The following COBL variants were observed in gnomAD, a reference collection of about 807,000 sequenced individuals.
The protein encoded by COBL is cordon-bleu WH2 repeat protein.
Under a neutral mutation model 98.8 loss-of-function variants are expected in COBL, and 51 were observed. The observed-to-expected ratio is 0.52, with a 90% CI of 0.41 to 0.65. The LOEUF is 0.65. Ranked by LOEUF, COBL falls within the 30% of genes least tolerant of loss-of-function variation. COBL has a pLI of 0.00. For missense variants in COBL, 1,617 were observed against 1,617.5 expected, an observed-to-expected ratio of 1.00 and a Z score of 0.01; for synonymous variants, 634 against 651.7, an observed-to-expected ratio of 0.97 and a Z score of 0.41.
chr7:51,125,953 TTAAG>T (rs1562941178), intron 6 of COBL, among the ~76,000 whole-genome samples: 1 of 152,200 alleles, frequency 6.6e-6, no homozygotes, highest in Non-Finnish European at 1.5e-5. Flanking sequence ...TCTATATCGT[TTAAG>T]TAAGGGATGG....
intron 7 of COBL, among the ~76,000 whole-genome samples, chr7:51,062,833 G>A (rs1420693843): frequency 6.6e-6 from 1 of 152,198 alleles, no homozygotes; most frequent in Non-Finnish European, 1.5e-5. Context: ...CGGCTCAGCT[G>A]TCCTGGAAGA....
intron 2 of COBL, among the ~76,000 whole-genome samples, chr7:51,205,286 A>C (rs536751083): frequency 8.9e-4 from 135 of 152,366 alleles, no homozygotes; most frequent in Non-Finnish European, 1.6e-3. Context: ...TATAGTGTAC[A>C]AAACAGCATG....
chr7:51,312,735 A>G, intron 1 of COBL, among the ~76,000 whole-genome samples: 1 of 152,192 alleles, frequency 6.6e-6, no homozygotes, highest in Non-Finnish European at 1.5e-5. Flanking sequence ...GGTTCCACTC[A>G]ATAATAATCC....
intron 5 of COBL, among the ~76,000 whole-genome samples, chr7:51,151,420 G>A (rs543968586): frequency 1.1e-4 from 17 of 152,306 alleles, no homozygotes; most frequent in African/African-American, 4.1e-4. Context: ...CCCACTGGAA[G>A]AAATCTGCCC....
intron 6 of COBL, among the ~76,000 whole-genome samples, chr7:51,108,876 ATCATGGAGCCG>A (rs1796559556): frequency 1.3e-5 from 2 of 151,104 alleles, no homozygotes; most frequent in African/African-American, 4.9e-5. Context: ...TACTTCTCCC[ATCATGGAGCCG>A]TCACACAAAG....
At chr7:51,208,895 AG>A (rs1554430449) in intron 2 of COBL, among the ~76,000 whole-genome samples, 3 of 151,950 alleles carry the variant, frequency 2.0e-5, no homozygotes, top group Non-Finnish European at 4.4e-5. Context: ...TCAAGTACCC[AG>A]GGACACAAAC....
chr7:51,029,733 T>A (rs2128873328), intron 9 of COBL, 142 bp from the exon 10 acceptor site: 1 of 683,234 alleles, frequency 1.5e-6, no homozygotes, highest in Admixed American at 3.4e-5. Flanking sequence ...GGGTTTGTAA[T>A]CTACATAATA....
chr7:51,293,041 T>G (rs531447675), intron 1 of COBL, among the ~76,000 whole-genome samples: 3 of 152,224 alleles, frequency 2.0e-5, no homozygotes, highest in Admixed American at 6.5e-5. Flanking sequence ...CACACTAGAA[T>G]GGTGAAAATT....
rs568527709 is a variant in COBL at position 51,129,304 on chromosome 7, G to A, written c.957+6854C>T. Among the ~76,000 whole-genome samples the A allele has an allele frequency of 2.6e-5, 4 of 151,846 alleles. No individual in the cohort carries two copies. In the South Asian group the frequency reaches 8.4e-4, roughly 32 times the overall value. On this transcript the variant is annotated intron_variant, in intron 6 of 12. Transcript: ENST00000265136. The stretch of plus-strand genomic sequence containing the variant: ...TTCAGAGGGCGCCTTCTTGCTTTGC[G>A]CTCACATGGTGGAAGGGGCGGGGGA...
chr7:51,287,669 A>C (rs1208868391), intron 1 of COBL, among the ~76,000 whole-genome samples: 1 of 152,200 alleles, frequency 6.6e-6, no homozygotes, highest in Non-Finnish European at 1.5e-5. Flanking sequence ...AGGTTCACAC[A>C]AACACCTGTA....
At chr7:51,020,128 C>G (rs1452179354) in intron 12 of COBL, among the ~76,000 whole-genome samples, 2 of 152,212 alleles carry the variant, frequency 1.3e-5, no homozygotes, top group Non-Finnish European at 2.9e-5. Context: ...CGGCTAGGAG[C>G]TGATAAGGTG....
At chr7:51,025,605 A>G (rs1184254112) in intron 11 of COBL, among the ~76,000 whole-genome samples, 2 of 152,152 alleles carry the variant, frequency 1.3e-5, no homozygotes, top group East Asian at 3.9e-4. Context: ...TCTATGAACC[A>G]GAATGTGGGC....
intron 5 of COBL, among the ~76,000 whole-genome samples, chr7:51,182,277 C>T (rs964178167): frequency 7.1e-5 from 9 of 126,922 alleles, no homozygotes; most frequent in African/African-American, 2.5e-4. Context: ...ATACAAAATT[C>T]TGATTCTCTT....
chr7:51,191,312 C>A (rs777009023), intron 3 of COBL, among the ~76,000 whole-genome samples: 2 of 151,946 alleles, frequency 1.3e-5, no homozygotes, highest in Non-Finnish European at 1.5e-5. Context: ...AACAACACAG[C>A]GAAATAAACA....
At chr7:51,309,876 C>T (rs1046547934) in intron 1 of COBL, among the ~76,000 whole-genome samples, 1 of 152,132 alleles carries the variant, frequency 6.6e-6, no homozygotes. Context: ...AGGAGGTTTT[C>T]GGACAGGGGA....
intron 1 of COBL, among the ~76,000 whole-genome samples, chr7:51,297,391 C>CT (rs71021766): frequency 0.42 from 49,652 of 118,938 alleles, 11,235 homozygotes; most frequent in South Asian, 0.49. Flanking sequence ...TTTTGAAAAT[C>CT]TTTTTTTTTT....
intron 2 of COBL, among the ~76,000 whole-genome samples, chr7:51,210,656 C>T (rs1016340050): frequency 2.2e-4 from 34 of 152,320 alleles, no homozygotes; most frequent in Non-Finnish European, 2.9e-4. Context: ...AGCAGGAACT[C>T]GTCTTATGAT....
chr7:51,312,430 C>T (rs1309738642), intron 1 of COBL, among the ~76,000 whole-genome samples: 1 of 152,134 alleles, frequency 6.6e-6, no homozygotes, highest in Non-Finnish European at 1.5e-5. Flanking sequence ...TTTGTATGTC[C>T]TTGATCTAAA....
At chr7:51,029,982 G>A (rs867297566) in intron 9 of COBL, among the ~76,000 whole-genome samples, 3 of 152,166 alleles carry the variant, frequency 2.0e-5, no homozygotes, top group African/African-American at 4.8e-5. Context: ...AGAGGACCAC[G>A]GGCTGTAGCT....
Sources: allele counts gnomAD v4.1 joint callset (sites outside exome capture counted in the v4.1 genomes callset), GRCh38; gene constraint gnomAD v4.1.1; transcripts MANE v1.5; gene names NCBI Gene and HGNC (gene_info 2026-07-23, HGNC 2026-07-21).